The following GRID1 variants were observed in gnomAD, a reference collection of about 807,000 sequenced individuals.
The protein encoded by GRID1 is glutamate ionotropic receptor delta type subunit 1, also known as glutamate receptor ionotropic, delta-1.
In GRID1, 28 loss-of-function variants were observed where a neutral mutation model predicts 98.0. The observed-to-expected ratio is 0.29, with a 90% confidence interval of 0.21 to 0.39. The LOEUF is 0.39. Ranked by LOEUF, GRID1 falls within the 10% of genes least tolerant of loss-of-function variation. GRID1 has a pLI of 1.00. For missense variants in GRID1, 1,111 were observed against 1,340.5 expected (o/e 0.83, Z 2.67); for synonymous variants, 553 against 538.5 (o/e 1.03, Z -0.37).
intron 12 of GRID1, among the ~76,000 whole-genome samples, chr10:85,678,214 A>G (rs746176760): frequency 3.3e-5 from 5 of 152,070 alleles, no homozygotes; most frequent in Non-Finnish European, 7.4e-5. Context: ...GCTGGGAGGA[A>G]AGGGGAATGA....
At chr10:85,694,000 G>A (rs1277751531) in intron 12 of GRID1, among the ~76,000 whole-genome samples, 2 of 152,084 alleles carry the variant, frequency 1.3e-5, no homozygotes, top group Admixed American at 1.3e-4. Flanking sequence ...ATGCAAAATG[G>A]GAGAAAATAA....
At chr10:85,761,569 G>C (rs1842147629) in intron 8 of GRID1, among the ~76,000 whole-genome samples, 1 of 152,176 alleles carries the variant, frequency 6.6e-6, no homozygotes, top group Non-Finnish European at 1.5e-5. Flanking sequence ...GTAAGTGCAG[G>C]GCAGCCAACC....
intron 6 of GRID1, among the ~76,000 whole-genome samples, chr10:85,857,611 C>T (rs567813372): frequency 6.6e-6 from 1 of 152,176 alleles, no homozygotes; most frequent in African/African-American, 2.4e-5. Flanking sequence ...TGTGGCCCCC[C>T]ACTGATAACT....
chr10:86,113,633 C>T (rs974260278), intron 4 of GRID1, among the ~76,000 whole-genome samples: 16 of 152,152 alleles, frequency 1.1e-4, no homozygotes, highest in Admixed American at 9.2e-4. Context: ...GTGGTGGCCT[C>T]GCCTGGTTTA....
intron 5 of GRID1, among the ~76,000 whole-genome samples, chr10:85,873,010 C>T (rs1474174631): frequency 6.6e-6 from 1 of 152,218 alleles, no homozygotes; most frequent in African/African-American, 2.4e-5. Context: ...TGCGTAAGTC[C>T]CAAACCTGTG....
chr10:86,123,623 T>A (rs910047369), intron 4 of GRID1, among the ~76,000 whole-genome samples: 3 of 152,184 alleles, frequency 2.0e-5, no homozygotes, highest in African/African-American at 7.2e-5. Context: ...CATTAGGTGA[T>A]GAGCGGAAGG....
chr10:86,207,717 C>T (rs1049017362), intron 2 of GRID1, among the ~76,000 whole-genome samples: 7 of 148,764 alleles, frequency 4.7e-5, no homozygotes, highest in East Asian at 2.0e-4. Flanking sequence ...CTGCAAGCTC[C>T]GCCTCCCGGG....
intron 7 of GRID1, among the ~76,000 whole-genome samples, chr10:85,855,739 G>A (rs1302382089): frequency 6.6e-6 from 1 of 152,188 alleles, no homozygotes; most frequent in African/African-American, 2.4e-5. Flanking sequence ...CACGGGATAG[G>A]CAGCTGCCTC....
intron 11 of GRID1, among the ~76,000 whole-genome samples, chr10:85,724,037 T>A (rs1841733350): frequency 2.0e-5 from 3 of 152,206 alleles, no homozygotes; most frequent in Admixed American, 2.0e-4. Context: ...GATTCACAGT[T>A]TCATTGACAA....
intron 4 of GRID1, among the ~76,000 whole-genome samples, chr10:86,042,906 T>C (rs1463774535): frequency 2.6e-5 from 4 of 151,928 alleles, no homozygotes; most frequent in Non-Finnish European, 4.4e-5. Context: ...GGCAACATAG[T>C]AAGACCCCAT....
chr10:85,940,772 T>C (rs948352014), intron 4 of GRID1, among the ~76,000 whole-genome samples: 7 of 152,210 alleles, frequency 4.6e-5, no homozygotes, highest in African/African-American at 1.7e-4. Context: ...AAAAGCACTG[T>C]TGACCCATGG....
chr10:85,735,383 A>T (rs1186209394), intron 8 of GRID1, among the ~76,000 whole-genome samples: 5 of 152,220 alleles, frequency 3.3e-5, no homozygotes, highest in Non-Finnish European at 7.3e-5. Context: ...ATCACTTGAA[A>T]GGAGATATAT....
chr10:86,358,750 T>C (rs1848565323), intron 2 of GRID1, among the ~76,000 whole-genome samples: 1 of 151,642 alleles, frequency 6.6e-6, no homozygotes, highest in South Asian at 2.1e-4. Flanking sequence ...AGAGAGAGAC[T>C]CTGTCTCAAA....
intron 2 of GRID1, among the ~76,000 whole-genome samples, chr10:86,336,539 C>T (rs552228675): frequency 3.0e-4 from 45 of 152,328 alleles, no homozygotes; most frequent in Admixed American, 1.1e-3. Context: ...TGACAATTAA[C>T]GCTGTTTCCC....
chr10:86,011,069 G>A (rs1842919250), intron 4 of GRID1, among the ~76,000 whole-genome samples: 1 of 152,124 alleles, frequency 6.6e-6, no homozygotes. Context: ...CACACTGGAT[G>A]AAGAATAGAG....
intron 8 of GRID1, among the ~76,000 whole-genome samples, chr10:85,800,182 C>G (rs1218828735): frequency 6.6e-6 from 1 of 151,562 alleles, no homozygotes; most frequent in African/African-American, 2.4e-5. Context: ...CTCTAAAACT[C>G]TATTAAGTGA....
chr10:85,796,311 G>C (rs1266008974), intron 8 of GRID1, among the ~76,000 whole-genome samples: 2 of 152,064 alleles, frequency 1.3e-5, no homozygotes, highest in Non-Finnish European at 2.9e-5. Flanking sequence ...TCTAAACAAA[G>C]TTCTTAAAAT....
intron 12 of GRID1, among the ~76,000 whole-genome samples, chr10:85,698,672 G>T (rs919782743): frequency 6.6e-6 from 1 of 152,160 alleles, no homozygotes. Flanking sequence ...AATTCTTTGG[G>T]CTAAATACCA....
At chr10:86,036,159 A>G (rs572337446) in intron 4 of GRID1, among the ~76,000 whole-genome samples, 2 of 152,336 alleles carry the variant, frequency 1.3e-5, no homozygotes, top group Admixed American at 1.3e-4. Context: ...CCCCAGGCCT[A>G]GCCTGCTAAG....
Sources: gnomAD v4.1 joint callset for allele counts (sites outside exome capture counted in the v4.1 genomes callset) on GRCh38, gnomAD v4.1.1 for gene constraint, MANE v1.5 for transcripts, NCBI Gene and HGNC (gene_info 2026-07-23, HGNC 2026-07-21) for gene names.